The following WDR19 variants were observed in gnomAD, a reference collection of about 807,000 sequenced individuals.
The protein encoded by WDR19 is WD repeat domain 19.
A neutral mutation model predicts 180.0 loss-of-function variants in WDR19; 121 were observed. The observed-to-expected ratio is 0.67, with a 90% CI of 0.58 to 0.78. The LOEUF (loss-of-function observed/expected upper bound fraction) is 0.78, where lower values mean the gene tolerates loss of function less well. WDR19 is among the 30% of genes least tolerant of loss of function. WDR19 has a pLI of 0.00. For missense variants in WDR19, 1,450 were observed against 1,640.7 expected (o/e 0.88, Z 2.01); for synonymous variants, 497 against 540.7 (o/e 0.92, Z 1.12).
chr4:39,263,571 T>C (rs539135791), intron 28 of WDR19, among the ~76,000 whole-genome samples: 177 of 152,208 alleles, frequency 1.2e-3, no homozygotes, highest in Non-Finnish European at 1.9e-3. Flanking sequence ...CTGTCTGTCC[T>C]GACACTTCAA....
At position 39,281,215 on chromosome 4, in the gene WDR19, G is replaced by GTGTGTGTGTGTGTGTA. The variant is rs1167602972; in HGVS notation, c.*13+2553_*13+2554insGTGTGTGTGTGTGTAT. ...TTGTCCTAAATATATATGTGTGTGT[G>GTGTGTGTGTGTGTGTA]TATATATATATATATATATATAGAG... is the stretch of plus-strand genomic sequence containing the variant. On this transcript the variant is annotated intron_variant, in intron 36 of 36. Transcript: ENST00000399820. Among the ~76,000 whole-genome samples, 372 of 110,028 alleles carry GTGTGTGTGTGTGTGTA rather than the reference G, an allele frequency of 3.4e-3. 15 individuals are homozygous for GTGTGTGTGTGTGTGTA. Among genetic ancestry groups the GTGTGTGTGTGTGTGTA allele is most frequent in the Middle Eastern group, 0.013 (3 of 238 alleles). 72.2% of individuals were successfully genotyped at this position (110,028 alleles called of 152,430 possible).
At chr4:39,206,601 T>C (rs571921857) in intron 9 of WDR19, among the ~76,000 whole-genome samples, 1 of 152,236 alleles carries the variant, frequency 6.6e-6, no homozygotes, top group African/African-American at 2.4e-5. Context: ...AGATTGATCA[T>C]AGGGAGGAAG....
At position 39,253,204 on chromosome 4, in the gene WDR19, A is replaced by G; in HGVS notation, c.2788A>G (p.Ile930Val). ...AAAACAGTGGCAAAGTGTAATCCGC[A>G]TCTATCTGGATCACCTCAATAATCC... Reference protein sequence around the residue: ...NAKQWQSVIRIYLDHLNNPEK... With the variant: ...NAKQWQSVIRVYLDHLNNPEK... The change falls in exon 25 of 37, where the codon ATC becomes GTC. Residue 930 changes from isoleucine to valine, a missense_variant. Physicochemically the swap from Ile to Val is conservative, Grantham distance 29 (BLOSUM62 3). Coordinates refer to ENST00000399820, the MANE Select transcript of WDR19 (RefSeq NM_025132.4). 1 of 1,613,546 alleles carries G rather than the reference A, an allele frequency of 6.2e-7. No homozygotes were observed. Among genetic ancestry groups the G allele is most frequent in the Middle Eastern group, 1.7e-4 (1 of 6,058 alleles).
chr4:39,213,390 TA>T (rs1728737471), intron 9 of WDR19, among the ~76,000 whole-genome samples: 1 of 152,034 alleles, frequency 6.6e-6, no homozygotes, highest in Non-Finnish European at 1.5e-5. Flanking sequence ...TACTCAACAA[TA>T]AAAAGGAACA....
intron 15 of WDR19, 60 bp downstream of exon 15, chr4:39,225,093 G>T: frequency 1.5e-6 from 2 of 1,363,376 alleles, no homozygotes; most frequent in East Asian, 2.8e-5. Flanking sequence ...GAAAAAAAGT[G>T]TTTAAAGCCT....
rs145293154 is a variant in WDR19 at position 39,209,087 on chromosome 4, C to T, written c.890+3351C>T. Among the ~76,000 whole-genome samples, 7 of 152,260 alleles carry T rather than the reference C, an allele frequency of 4.6e-5. No individual in the cohort carries two copies. The East Asian group carries it at 1.3e-3, about 29-fold the overall frequency. On this transcript the variant is annotated intron_variant, in intron 9 of 36. Coordinates refer to ENST00000399820, the MANE Select transcript of WDR19 (RefSeq NM_025132.4). ...TTTTTTCAAGTGCCTGTGGAACATTCACCACAATAGACTACCCTGGCTCAT... is the reference window on the plus strand; with the variant it reads ...TTTTTTCAAGTGCCTGTGGAACATTTACCACAATAGACTACCCTGGCTCAT...
intron 24 of WDR19, among the ~76,000 whole-genome samples, chr4:39,247,105 G>T (rs1350689663): frequency 6.6e-6 from 1 of 152,178 alleles, no homozygotes; most frequent in Non-Finnish European, 1.5e-5. Flanking sequence ...GCACCCCCCA[G>T]TAGGGGCGGA....
chr4:39,214,000 T>A (rs1728799502), intron 9 of WDR19, among the ~76,000 whole-genome samples: 1 of 152,046 alleles, frequency 6.6e-6, no homozygotes, highest in South Asian at 2.1e-4. Flanking sequence ...AAAAGGAGGT[T>A]AGGAGGAAAG....
At chr4:39,188,248 ACAT>A (rs1309655760) in intron 3 of WDR19, among the ~76,000 whole-genome samples, 4 of 152,172 alleles carry the variant, frequency 2.6e-5, no homozygotes, top group African/African-American at 9.6e-5. Flanking sequence ...ATGAAAAATA[ACAT>A]CAGAAAAGAA....
At chr4:39,194,728 A>G in intron 5 of WDR19, 69 bp downstream of exon 5, 7 of 1,235,852 alleles carry the variant, frequency 5.7e-6, no homozygotes, top group Admixed American at 2.1e-5. Context: ...CTGCCGCCTC[A>G]GGTTTCCCTG....
intron 24 of WDR19, among the ~76,000 whole-genome samples, chr4:39,251,456 G>A (rs1285488001): frequency 6.6e-6 from 1 of 151,398 alleles, no homozygotes; most frequent in Non-Finnish European, 1.5e-5. Flanking sequence ...CATGGGCAAG[G>A]ACTTCATGTC....
chr4:39,259,317 A>G (rs1231234041), intron 28 of WDR19, among the ~76,000 whole-genome samples: 1 of 152,222 alleles, frequency 6.6e-6, no homozygotes, highest in African/African-American at 2.4e-5. Flanking sequence ...AGCATTTGTC[A>G]TAAATGAAAT....
At position 39,199,462 on chromosome 4, in the gene WDR19, A is replaced by T; in HGVS notation, c.407-16A>T. ...GAGAAATCCACATGTCTGTATAAAA[A>T]TAATCTCTTTTTCAGGAAAACATAC... On this transcript the variant is annotated splice_polypyrimidine_tract_variant and intron_variant, in intron 5 of 36. Coordinates refer to ENST00000399820, the MANE Select transcript of WDR19 (RefSeq NM_025132.4). The T allele has an allele frequency of 6.2e-7, 1 of 1,602,036 alleles. No homozygotes were observed. The highest frequency in any genetic ancestry group is 2.2e-5 in the East Asian group (1 of 44,694).
At chr4:39,194,276 A>G (rs1726484247) in intron 4 of WDR19, among the ~76,000 whole-genome samples, 1 of 152,212 alleles carries the variant, frequency 6.6e-6, no homozygotes, top group South Asian at 2.1e-4. Context: ...ATATCTCATC[A>G]TAGGTCATCT....
At chr4:39,264,800 G>T (rs1397696666) in intron 28 of WDR19, among the ~76,000 whole-genome samples, 1 of 151,890 alleles carries the variant, frequency 6.6e-6, no homozygotes, top group Non-Finnish European at 1.5e-5. Context: ...CTAAATTCCT[G>T]ACCTCACACA....
chr4:39,257,967 CAT>C (rs756585968), intron 28 of WDR19, among the ~76,000 whole-genome samples: 1 of 151,922 alleles, frequency 6.6e-6, no homozygotes, highest in African/African-American at 2.4e-5. Flanking sequence ...AAAGTCTCCA[CAT>C]GTCACCCCCC....
Position 39,282,497 on chromosome 4 carries a change from A to G in WDR19, c.*14-2990A>G, listed in dbSNP as rs182002463. ...GCTGCAACCTCTGCCTCCCGGGTTC[A>G]AGTGATTCTCCTGCCTCAGCCCCCC... On this transcript the variant is annotated intron_variant, in intron 36 of 36. Transcript: ENST00000399820. Among the ~76,000 whole-genome samples, 743 of 152,206 alleles carry G rather than the reference A, an allele frequency of 4.9e-3. 7 individuals carry two copies. The highest frequency in any genetic ancestry group is 0.017 in the African/African-American group (705 of 41,516).
intron 17 of WDR19, among the ~76,000 whole-genome samples, chr4:39,230,805 GAATA>G (rs1730760686): frequency 6.6e-6 from 1 of 152,196 alleles, no homozygotes; most frequent in African/African-American, 2.4e-5. Context: ...ATGGATGAAT[GAATA>G]GATAGATGGA....
At chr4:39,276,650 T>C (rs1175782627) in intron 33 of WDR19, among the ~76,000 whole-genome samples, 1 of 152,190 alleles carries the variant, frequency 6.6e-6, no homozygotes, top group Non-Finnish European at 1.5e-5. Context: ...GGTGCTGGTA[T>C]AACTTGTACC....
Sources: allele counts gnomAD v4.1 joint callset (sites outside exome capture counted in the v4.1 genomes callset), GRCh38; gene constraint gnomAD v4.1.1; transcripts MANE v1.5; gene names NCBI Gene and HGNC (gene_info 2026-07-23, HGNC 2026-07-21).